Variants in FSIP2 observed in about 807,000 individuals in gnomAD.
FSIP2 encodes fibrous sheath interacting protein 2.
A neutral mutation model predicts 510.5 loss-of-function variants in FSIP2; 367 were observed. That is an observed-to-expected ratio of 0.72 (90% CI 0.66 to 0.78). The LOEUF is 0.78. FSIP2 is among the 30% of genes least tolerant of loss of function. FSIP2 has a pLI of 0.00. For missense variants in FSIP2, 7,594 were observed against 7,901.7 expected (o/e 0.96, Z 1.48); for synonymous variants, 2,601 against 2,732.2 (o/e 0.95, Z 1.50).
At chr2:185,764,168 C>A (rs1037508645) in intron 12 of FSIP2, among the ~76,000 whole-genome samples, 1 of 151,442 alleles carries the variant, frequency 6.6e-6, no homozygotes, top group South Asian at 2.1e-4. Flanking sequence ...ATCAGCATTG[C>A]CATCCATATT....
At chr2:185,764,690 A>G (rs747215168) in intron 13 of FSIP2, 125 bp downstream of exon 13, 61 of 678,170 alleles carry the variant, frequency 9.0e-5, no homozygotes, top group Non-Finnish European at 1.4e-4. Flanking sequence ...GAAAAATGGC[A>G]CAATTTTTGC....
Position 185,795,340 on chromosome 2 carries a change from T to C in FSIP2, c.8204T>C (p.Leu2735Pro), listed in dbSNP as rs965143792. Reference protein sequence around the residue: ...LLDTKLPTSELKIYAKDIIIN... With the variant: ...LLDTKLPTSEPKIYAKDIIIN... ...GACACAAAATTGCCCACTTCAGAAC[T>C]AAAAATATATGCCAAGGATATAATA... is the stretch of plus-strand genomic sequence containing the variant. Residue 2735 changes from leucine to proline, a missense_variant, in exon 16 of 23, where the codon CTA becomes CCA. Physicochemically the swap from Leu to Pro is moderately conservative, Grantham distance 98. Transcript: ENST00000424728. The C allele has an allele frequency of 6.5e-7, 1 of 1,534,818 alleles. No homozygotes were observed. Among genetic ancestry groups the C allele is most frequent in the African/African-American group, 1.4e-5 (1 of 73,002 alleles).
chr2:185,761,203 G>C, intron 10 of FSIP2, 100 bp downstream of exon 10: 1 of 427,314 alleles, frequency 2.3e-6, no homozygotes, highest in South Asian at 7.3e-5. Flanking sequence ...AGTACTGATT[G>C]TTTAGGGATA....
rs1693207941 is a variant in FSIP2, at chr2:185,794,058, G to C, written c.6922G>C (p.Asp2308His). Residue 2308 changes from aspartate (D) to histidine (H), a missense_variant, in exon 16 of 23, where the codon GAT becomes CAT. By Grantham distance (81) the Asp-to-His change is moderately conservative (BLOSUM62 -1). Coordinates refer to ENST00000424728, the MANE Select transcript of FSIP2 (RefSeq NM_173651.4). ...TTATGATTCAAGCCAAGTGGAATCA[G>C]ATGTAAATGTCCTGAAAATATCAGC... The part of the protein sequence containing the change: ...IFYDSSQVES[D>H]VNVLKISATE... 6.5e-7 allele frequency: 1 copy of C among 1,532,842 alleles called. No individual in the cohort carries two copies. Among genetic ancestry groups the C allele is most frequent in the African/African-American group, 1.4e-5 (1 of 72,844 alleles). 95.0% of individuals were successfully genotyped at this position (1,532,842 alleles called of 1,614,324 possible).
chr2:185,803,101 T>C lies in FSIP2; in HGVS notation c.13795T>C (p.Ser4599Pro). ...GCCATTTGTGAGTGGAAAATCATTATCTTCATCAGACACATATTTTGATGA... is the reference window on the plus strand; with the variant it reads ...GCCATTTGTGAGTGGAAAATCATTACCTTCATCAGACACATATTTTGATGA... ...LQPFVSGKSL[S>P]SSDTYFDDER... The change falls in exon 17 of 23, where the codon TCT becomes CCT. Residue 4599 changes from serine (S) to proline (P), a missense_variant. Transcript: ENST00000424728. The C allele has an allele frequency of 6.6e-7, 1 of 1,516,798 alleles. No homozygotes were observed. Among genetic ancestry groups the C allele is most frequent in the Non-Finnish European group, 8.8e-7 (1 of 1,138,820 alleles). The allele number at this position is 1,516,798 out of a possible 1,614,324, so 94.0% of individuals were successfully genotyped here. A position where few individuals can be genotyped will look rare whatever the true frequency, so the allele number is the denominator to read the frequency against.
In FSIP2 at chr2:185,795,477, G is replaced by C. The variant is rs960721975; in HGVS notation, c.8341G>C (p.Glu2781Gln). 1.3e-6 allele frequency: 2 copies of C among 1,534,666 alleles called. No individual in the cohort carries two copies. Among genetic ancestry groups the C allele is most frequent in the African/African-American group, 2.7e-5 (2 of 72,900 alleles). Reference sequence around the variant, plus strand: ...TAAAATAGTTAATACAGTTTTGCAAGAATTATATGTTACCAATAACTGCAA... The same window carrying C: ...TAAAATAGTTAATACAGTTTTGCAACAATTATATGTTACCAATAACTGCAA... ...AGKIVNTVLQ[E>Q]LYVTNNCNLA... Residue 2781 changes from glutamate (E) to glutamine (Q), a missense_variant, in exon 16 of 23, where the codon GAA (glutamate) becomes CAA (glutamine). Coordinates refer to ENST00000424728, the MANE Select transcript of FSIP2 (RefSeq NM_173651.4).
intron 13 of FSIP2, among the ~76,000 whole-genome samples, chr2:185,772,804 T>TCCTCCCCTCC (rs58079530): frequency 4.0e-5 from 6 of 149,780 alleles, no homozygotes; most frequent in East Asian, 2.0e-4. Context: ...GCTTTTCTTT[T>TCCTCCCCTCC]CCTCCCCTCC....
At chr2:185,758,417 T>A (rs751630795) in intron 9 of FSIP2, among the ~76,000 whole-genome samples, 2 of 151,242 alleles carry the variant, frequency 1.3e-5, no homozygotes, top group African/African-American at 2.4e-5. Context: ...ACTGAAAACA[T>A]AAAATGTCGA....
rs1431481986 is a variant in FSIP2 at position 185,761,032 on chromosome 2, A to G, written c.1123A>G (p.Asn375Asp). The G allele has an allele frequency of 1.3e-6, 2 of 1,509,580 alleles. No individual in the cohort carries two copies. The highest frequency in any genetic ancestry group is 4.0e-5 in the Admixed American group (2 of 50,118). The allele number at this position is 1,509,580 out of a possible 1,614,324, so 93.5% of individuals were successfully genotyped here. The part of the protein sequence containing the change: ...AAHQRQNSSN[N>D]FTKKNSASVV... ...TCATCAGCGTCAAAATAGTTCAAAT[A>G]ATTTTACGAAAAAAAACTCAGCTTC... Residue 375 changes from asparagine (N) to aspartate (D), a missense_variant, in exon 10 of 23, where the codon AAT becomes GAT. Coordinates refer to ENST00000424728, the MANE Select transcript of FSIP2 (RefSeq NM_173651.4).
At position 185,793,981 on chromosome 2, in the gene FSIP2, A is replaced by T. The variant is rs987607823; in HGVS notation, c.6845A>T (p.Lys2282Met). Residue 2282 changes from lysine to methionine, a missense_variant, in exon 16 of 23, where the codon AAG becomes ATG. Coordinates refer to ENST00000424728, the MANE Select transcript of FSIP2 (RefSeq NM_173651.4). ...ACCCTTGCTTTCCAAAGTAAAGAAAAGTCATTTGTTATCCCAGAATTGGAA... is the reference window on the plus strand; with the variant it reads ...ACCCTTGCTTTCCAAAGTAAAGAAATGTCATTTGTTATCCCAGAATTGGAA... ...LITLAFQSKEKSFVIPELENC... is the reference protein window; with the variant it reads ...LITLAFQSKEMSFVIPELENC... 1 of 1,532,056 alleles carries T rather than the reference A, an allele frequency of 6.5e-7. No individual in the cohort carries two copies. Among genetic ancestry groups the T allele is most frequent in the Non-Finnish European group, 8.7e-7 (1 of 1,144,558 alleles). The allele number at this position is 1,532,056 out of a possible 1,614,324, so 94.9% of individuals were successfully genotyped here. A position where few individuals can be genotyped will look rare whatever the true frequency, so the allele number is the denominator to read the frequency against.
Position 185,794,615 on chromosome 2 carries a change from G to A in FSIP2, c.7479G>A (p.Lys2493=). 1 of 1,532,198 alleles carries A rather than the reference G, an allele frequency of 6.5e-7. No individual in the cohort carries two copies. Among genetic ancestry groups the A allele is most frequent in the South Asian group, 1.2e-5 (1 of 83,268 alleles). The allele number at this position is 1,532,198 out of a possible 1,614,324, so 94.9% of individuals were successfully genotyped here. Residue 2493 remains lysine (K), a synonymous_variant, in exon 16 of 23, where the codon AAG becomes AAA. Transcript: ENST00000424728. ...LLIAVEELLN[K]LYQRVREVTG... ...TTGCAGTGGAAGAACTTTTGAATAA[G>A]TTGTATCAAAGAGTAAGGGAAGTCA...
chr2:185,804,370 C>T lies in FSIP2; in HGVS notation c.15064C>T (p.Gln5022Ter). 6.7e-7 allele frequency: 1 copy of T among 1,498,234 alleles called. No individual in the cohort carries two copies. The highest frequency in any genetic ancestry group is 8.8e-7 in the Non-Finnish European group (1 of 1,130,750). The allele number at this position is 1,498,234 out of a possible 1,614,324, so 92.8% of individuals were successfully genotyped here. The change falls in exon 17 of 23, where the codon CAA (glutamine) becomes TAA (stop). Residue 5022 changes from glutamine (Q) to a stop codon, truncating the protein, a stop_gained. Coordinates refer to ENST00000424728, the MANE Select transcript of FSIP2 (RefSeq NM_173651.4). LOFTEE classifies it high-confidence loss of function. ...CTCAGAAAGATACAAAGAAATGGTT[C>T]AAAAAATAGTCAACTCAGTATATGG... ...CFSERYKEMV[Q>*]KIVNSVYGKV... is the part of the protein sequence containing the mutation.
chr2:185,786,270 A>G lies in FSIP2; in HGVS notation c.1488A>G (p.Gln496=). The G allele has an allele frequency of 6.6e-7, 1 of 1,525,690 alleles. No homozygotes were observed. Among genetic ancestry groups the G allele is most frequent in the Non-Finnish European group, 8.8e-7 (1 of 1,139,442 alleles). 94.5% of individuals were successfully genotyped at this position (1,525,690 alleles called of 1,614,324 possible). ...TTTACAGGCAACAGAACTTGCTGCA[A>G]AATTGCTTGCAAGAAAAAGTATGTA... is the stretch of plus-strand genomic sequence containing the variant. ...VYTNMQQNLL[Q]NCLQEKVTSE... Residue 496 remains glutamine, a synonymous_variant, in exon 15 of 23, where the codon CAA becomes CAG. Transcript: ENST00000424728.
At chr2:185,780,000 G>C (rs1437139237) in intron 13 of FSIP2, among the ~76,000 whole-genome samples, 3 of 150,718 alleles carry the variant, frequency 2.0e-5, no homozygotes, top group Non-Finnish European at 4.4e-5. Context: ...TTGAACCTGG[G>C]AGGCAGAGGT....
At position 185,794,699 on chromosome 2, in the gene FSIP2, A is replaced by G. The variant is rs550217601; in HGVS notation, c.7563A>G (p.Lys2521=). 224 of 1,533,868 alleles carry G rather than the reference A, an allele frequency of 1.5e-4. No individual in the cohort carries two copies. Among genetic ancestry groups the G allele is most frequent in the Non-Finnish European group, 1.9e-4 (217 of 1,145,592 alleles). The change falls in exon 16 of 23, where the codon AAA becomes AAG. Residue 2521 remains lysine (K), a synonymous_variant. Coordinates refer to ENST00000424728, the MANE Select transcript of FSIP2 (RefSeq NM_173651.4). ...TANFISNSKI[K]TSDTTQKNSF... ...ACTTTATATCTAATTCTAAGATTAA[A>G]ACATCAGACACAACACAGAAAAACA... is the stretch of plus-strand genomic sequence containing the variant.
At chr2:185,774,452 A>T (rs983363345) in intron 13 of FSIP2, among the ~76,000 whole-genome samples, 1 of 152,150 alleles carries the variant, frequency 6.6e-6, no homozygotes, top group African/African-American at 2.4e-5. Flanking sequence ...CAGAGAGTAC[A>T]TTATTGTGAT....
intron 17 of FSIP2, among the ~76,000 whole-genome samples, chr2:185,810,834 G>A (rs1427571443): frequency 6.6e-6 from 1 of 151,970 alleles, no homozygotes; most frequent in Admixed American, 6.6e-5. Context: ...GTGACTAAAA[G>A]GCTGATGGAC....
At chr2:185,756,364 G>C (rs1162455872) in intron 9 of FSIP2, 86 bp downstream of exon 9, 1 of 459,388 alleles carries the variant, frequency 2.2e-6, no homozygotes, top group African/African-American at 2.0e-5. Context: ...TTTCACTTAA[G>C]TGCAGACAAA....
chr2:185,778,375 C>T (rs923945248), intron 13 of FSIP2, among the ~76,000 whole-genome samples: 8 of 151,874 alleles, frequency 5.3e-5, no homozygotes. Flanking sequence ...CTTTTTAGAA[C>T]AGTATGTGAA....
Sources: allele counts gnomAD v4.1 joint callset (sites outside exome capture counted in the v4.1 genomes callset), GRCh38; gene constraint gnomAD v4.1.1; transcripts MANE v1.5; gene names NCBI Gene and HGNC (gene_info 2026-07-23, HGNC 2026-07-21).